Variants in NELL1 observed in about 807,000 individuals in gnomAD.
NELL1 encodes neural EGFL like 1.
A neutral mutation model predicts 107.4 loss-of-function variants in NELL1; 76 were observed. The ratio of observed to expected loss-of-function variants is 0.71; its 90% CI spans 0.59 to 0.86. The LOEUF is 0.86. Ranked by LOEUF, NELL1 falls within the 40% of genes least tolerant of loss-of-function variation. The probability of loss-of-function intolerance (pLI) is 0.00; values close to 1 mark genes in which losing one functional copy is unlikely to be tolerated. For missense variants in NELL1, 1,024 were observed against 1,005.5 expected, an observed-to-expected ratio of 1.02 and a Z score of -0.25; for synonymous variants, 353 against 341.2, an observed-to-expected ratio of 1.03 and a Z score of -0.38.
chr11:21,052,775 G>A (rs1483028060), intron 12 of NELL1, among the ~76,000 whole-genome samples: 1 of 152,104 alleles, frequency 6.6e-6, no homozygotes, highest in African/African-American at 2.4e-5. Context: ...GAGGGGATAC[G>A]GATGCAAAGG....
intron 12 of NELL1, among the ~76,000 whole-genome samples, chr11:21,014,106 T>C (rs990667285): frequency 6.6e-6 from 1 of 152,148 alleles, no homozygotes; most frequent in Non-Finnish European, 1.5e-5. Flanking sequence ...GCTGTTTCAG[T>C]TGACTCTTCT....
chr11:21,142,399 T>C (rs1297898494), intron 13 of NELL1, among the ~76,000 whole-genome samples: 2 of 152,212 alleles, frequency 1.3e-5, no homozygotes, highest in Non-Finnish European at 2.9e-5. Flanking sequence ...ATTTCTCAAA[T>C]TCCCTTGCTA....
At chr11:21,245,998 CA>C (rs1439670273) in intron 14 of NELL1, among the ~76,000 whole-genome samples, 3 of 152,014 alleles carry the variant, frequency 2.0e-5, no homozygotes, top group African/African-American at 7.3e-5. Context: ...CCACCAGATT[CA>C]AATTATTCCA....
intron 14 of NELL1, among the ~76,000 whole-genome samples, chr11:21,277,937 T>C (rs1283136284): frequency 2.6e-5 from 4 of 152,068 alleles, no homozygotes; most frequent in Non-Finnish European, 5.9e-5. Context: ...TTAGGAGATA[T>C]ACCTAATGTT....
chr11:21,107,089 A>G (rs1356774213), intron 12 of NELL1, among the ~76,000 whole-genome samples: 1 of 152,202 alleles, frequency 6.6e-6, no homozygotes, highest in Non-Finnish European at 1.5e-5. Context: ...ATCCGTTATC[A>G]ATATCCCTCA....
intron 12 of NELL1, among the ~76,000 whole-genome samples, chr11:21,110,661 T>C (rs1263874500): frequency 2.0e-5 from 3 of 152,136 alleles, no homozygotes; most frequent in South Asian, 2.1e-4. Flanking sequence ...GGGCTGAAGA[T>C]TGAATTGCCT....
At chr11:20,761,685 T>A (rs1856424456) in intron 2 of NELL1, among the ~76,000 whole-genome samples, 1 of 152,172 alleles carries the variant, frequency 6.6e-6, no homozygotes, top group South Asian at 2.1e-4. Flanking sequence ...TCTTCTTGCT[T>A]TTACATATTT....
At chr11:21,326,071 TTTTTTTTTTTGG>T (rs1565169173) in intron 14 of NELL1, among the ~76,000 whole-genome samples, 20 of 78,924 alleles carry the variant, frequency 2.5e-4, no homozygotes, top group Non-Finnish European at 4.7e-4. Flanking sequence ...TTTTTTTTTT[TTTTTTTTTTTGG>T]GCTATTTTGA....
intron 2 of NELL1, among the ~76,000 whole-genome samples, chr11:20,699,304 C>G (rs1188679358): frequency 6.6e-6 from 1 of 152,108 alleles, no homozygotes; most frequent in Non-Finnish European, 1.5e-5. Flanking sequence ...TATTTCTTTC[C>G]TCTTTATGGC....
At chr11:20,968,685 T>C (rs1851434343) in intron 12 of NELL1, among the ~76,000 whole-genome samples, 1 of 152,088 alleles carries the variant, frequency 6.6e-6, no homozygotes, top group African/African-American at 2.4e-5. Context: ...TTATAGAAAA[T>C]TGGTTTTCTA....
At chr11:21,191,591 A>C (rs758475821) in intron 13 of NELL1, among the ~76,000 whole-genome samples, 2 of 151,936 alleles carry the variant, frequency 1.3e-5, no homozygotes, top group Non-Finnish European at 2.9e-5. Context: ...TAAAATAGCG[A>C]TATTTATGTC....
intron 13 of NELL1, among the ~76,000 whole-genome samples, chr11:21,185,963 T>G (rs1250287017): frequency 6.6e-6 from 1 of 151,706 alleles, no homozygotes; most frequent in Non-Finnish European, 1.5e-5. Context: ...ATGAAACTTG[T>G]GTAGAAAGGG....
intron 13 of NELL1, among the ~76,000 whole-genome samples, chr11:21,199,343 C>T (rs1409701635): frequency 2.6e-5 from 4 of 152,112 alleles, no homozygotes; most frequent in Admixed American, 2.6e-4. Context: ...GAGTACCCTC[C>T]AGGACATGTG....
intron 14 of NELL1, among the ~76,000 whole-genome samples, chr11:21,229,944 C>G (rs531581285): frequency 6.6e-6 from 1 of 152,250 alleles, no homozygotes; most frequent in East Asian, 1.9e-4. Flanking sequence ...CTCCTTCTGG[C>G]TTATGAGGGC....
chr11:21,511,954 A>ATTGTT (rs1442643037), intron 15 of NELL1, among the ~76,000 whole-genome samples: 1 of 152,342 alleles, frequency 6.6e-6, no homozygotes, highest in East Asian at 1.9e-4. Context: ...ATCATAACAA[A>ATTGTT]GAGGACATAA....
chr11:20,799,493 A>G (rs1857239239), intron 3 of NELL1, among the ~76,000 whole-genome samples: 1 of 152,226 alleles, frequency 6.6e-6, no homozygotes, highest in Non-Finnish European at 1.5e-5. Flanking sequence ...CATTTTTTAG[A>G]GCAAATGCAC....
In NELL1 at chr11:21,535,741, G is replaced by T. The variant is rs1227861728; in HGVS notation, c.1786+1227G>T. Among the ~76,000 whole-genome samples the T allele has an allele frequency of 2.6e-5, 4 of 152,138 alleles. No individual in the cohort carries two copies. In the East Asian group the frequency reaches 7.7e-4, roughly 29 times the overall value. On this transcript the variant is annotated intron_variant, in intron 16 of 19. Transcript: ENST00000357134. The stretch of plus-strand genomic sequence containing the variant: ...AATAATGTTTATATGTTTTTGAGAT[G>T]AGTGTTGTGATAATTGAGTTAATAT...
rs114313288 is a variant in NELL1 at position 20,943,593 on chromosome 11, C to T, written c.1072-3743C>T. On this transcript the variant is annotated intron_variant, in intron 10 of 19. Coordinates refer to ENST00000357134, the MANE Select transcript of NELL1 (RefSeq NM_006157.5). ...CAAGACCCCATTTCAAAAAAAAAAC[C>T]CAACAAAACAAAAAACCATATTTAT... 5.7e-3 allele frequency among the ~76,000 whole-genome samples: 862 copies of T among 151,960 alleles called. 9 individuals carry two copies. The highest frequency in any genetic ancestry group is 0.02 in the African/African-American group (812 of 41,474).
At chr11:20,910,263 C>G (rs947541582) in intron 5 of NELL1, among the ~76,000 whole-genome samples, 1 of 152,150 alleles carries the variant, frequency 6.6e-6, no homozygotes, top group Non-Finnish European at 1.5e-5. Context: ...ACCCTTGAGG[C>G]CTAGGCTGGG....
Sources: allele counts gnomAD v4.1 joint callset (sites outside exome capture counted in the v4.1 genomes callset), GRCh38; gene constraint gnomAD v4.1.1; transcripts MANE v1.5; gene names NCBI Gene and HGNC (gene_info 2026-07-23, HGNC 2026-07-21).